The following KLRG1 variants were observed in gnomAD, a reference collection of about 807,000 sequenced individuals.
KLRG1 encodes the protein killer cell lectin like receptor G1.
A neutral mutation model predicts 21.8 loss-of-function variants in KLRG1; 16 were observed. The ratio of observed to expected loss-of-function variants is 0.73; its 90% CI spans 0.50 to 1.11. KLRG1 has a LOEUF of 1.11. Among genes scored for constraint, KLRG1 ranks in the 50% most tolerant of loss-of-function variants. KLRG1 has a pLI of 0.00. For missense variants in KLRG1, 173 were observed against 218.3 expected, an observed-to-expected ratio of 0.79 and a Z score of 1.31; for synonymous variants, 69 against 75.9, an observed-to-expected ratio of 0.91 and a Z score of 0.47.
chr12:9,106,934 C>A, the KLRG1 span, among the ~76,000 whole-genome samples: 7 of 152,088 alleles, frequency 4.6e-5, no homozygotes, highest in Non-Finnish European at 8.8e-5. Context: ...TTGTTACATG[C>A]AGAGAATGTG....
chr12:9,005,919 C>T (rs1421250055), intron 3 of KLRG1, among the ~76,000 whole-genome samples: 2 of 152,242 alleles, frequency 1.3e-5, no homozygotes, highest in African/African-American at 4.8e-5. Flanking sequence ...GGCGGTAATG[C>T]TGGCCCGCCT....
chr12:9,165,021 C>G, the KLRG1 span: 39 of 1,212,152 alleles, frequency 3.2e-5, no homozygotes, highest in Admixed American at 7.0e-4. Context: ...TAATTATTCA[C>G]AGTGCTAACA....
At chr12:8,958,641 G>C (rs1261586853) in intron 1 of KLRG1, among the ~76,000 whole-genome samples, 1 of 151,786 alleles carries the variant, frequency 6.6e-6, no homozygotes, top group Non-Finnish European at 1.5e-5. Flanking sequence ...AGGATCACTT[G>C]GGCTCAGGAT....
chr12:9,016,005 A>G, the KLRG1 span, among the ~76,000 whole-genome samples: 2 of 152,306 alleles, frequency 1.3e-5, no homozygotes, highest in African/African-American at 4.8e-5. Flanking sequence ...GATACAATGA[A>G]AGCAGTACTA....
At chr12:9,019,846 A>C in the KLRG1 span, among the ~76,000 whole-genome samples, 71 of 151,990 alleles carry the variant, frequency 4.7e-4, no homozygotes, top group African/African-American at 1.6e-3. Context: ...TTCGTGTCCC[A>C]AAGTGCTGGG....
the KLRG1 span, among the ~76,000 whole-genome samples, chr12:9,062,684 C>T: frequency 0.016 from 2,393 of 145,792 alleles, 67 homozygotes; most frequent in African/African-American, 0.057. Flanking sequence ...ATATTTATAT[C>T]GGATATATTG....
chr12:9,020,077 A>G, the KLRG1 span, among the ~76,000 whole-genome samples: 1 of 151,378 alleles, frequency 6.6e-6, no homozygotes, highest in Non-Finnish European at 1.5e-5. Context: ...ACACACACAC[A>G]TACATACATA....
At chr12:8,958,725 C>T (rs1412966465) in intron 1 of KLRG1, among the ~76,000 whole-genome samples, 1 of 152,076 alleles carries the variant, frequency 6.6e-6, no homozygotes, top group Non-Finnish European at 1.5e-5. Flanking sequence ...AGCGTGGTGG[C>T]TTGTGCCTAT....
chr12:9,136,619 C>A, the KLRG1 span, among the ~76,000 whole-genome samples: 2 of 152,222 alleles, frequency 1.3e-5, no homozygotes, highest in East Asian at 1.9e-4. Context: ...GTTTCCATAG[C>A]AGTTGCACCA....
chr12:9,039,914 G>T, the KLRG1 span, among the ~76,000 whole-genome samples: 2 of 152,166 alleles, frequency 1.3e-5, no homozygotes, highest in African/African-American at 2.4e-5. Context: ...ATGCATTCAG[G>T]TTATTGCCAG....
the KLRG1 span, among the ~76,000 whole-genome samples, chr12:9,204,478 CAT>C: frequency 2.0e-4 from 30 of 152,280 alleles, no homozygotes; most frequent in South Asian, 4.1e-4. Context: ...CAAAATAACA[CAT>C]GTCTATATTG....
At chr12:9,140,225 A>G in the KLRG1 span, among the ~76,000 whole-genome samples, 2 of 152,230 alleles carry the variant, frequency 1.3e-5, no homozygotes, top group African/African-American at 4.8e-5. Flanking sequence ...GAAAAGATTA[A>G]TTAGGCAGGG....
At chr12:9,098,528 C>T in the KLRG1 span, 1 of 1,471,522 alleles carries the variant, frequency 6.8e-7, no homozygotes, top group Admixed American at 2.2e-5. Context: ...TTGATCTTAT[C>T]CTACTTATCC....
chr12:9,050,867 T>A, the KLRG1 span, among the ~76,000 whole-genome samples: 2 of 152,124 alleles, frequency 1.3e-5, no homozygotes, highest in African/African-American at 4.8e-5. Context: ...AGCTCAGGGG[T>A]GTCTGCTTCC....
chr12:9,159,961 A>T, the KLRG1 span: 1 of 1,613,622 alleles, frequency 6.2e-7, no homozygotes, highest in Admixed American at 1.7e-5. Flanking sequence ...GGTTCCTGCC[A>T]TATCGTTCCC....
chr12:9,008,836 G>A, intron 3 of KLRG1, 139 bp from the exon 4 acceptor site: 1 of 617,552 alleles, frequency 1.6e-6, no homozygotes, highest in Non-Finnish European at 2.9e-6. Flanking sequence ...CTTAAGAGTG[G>A]TGATGATGGA....
chr12:9,002,503 CT>C (rs1947334242), intron 3 of KLRG1, among the ~76,000 whole-genome samples: 1 of 152,106 alleles, frequency 6.6e-6, no homozygotes, highest in Admixed American at 6.6e-5. Context: ...GACATAACAC[CT>C]AAGTGTTCTA....
chr12:9,101,666 G>C, the KLRG1 span: 1 of 1,610,708 alleles, frequency 6.2e-7, no homozygotes, highest in Admixed American at 1.7e-5. Context: ...TACGATCCTT[G>C]TAATTGACCT....
the KLRG1 span, among the ~76,000 whole-genome samples, chr12:9,125,060 TG>T: frequency 2.6e-5 from 4 of 152,186 alleles, no homozygotes; most frequent in African/African-American, 9.7e-5. Context: ...CAGGAGACGA[TG>T]GGACAACCAG....
Sources: allele counts gnomAD v4.1 joint callset (sites outside exome capture counted in the v4.1 genomes callset), GRCh38; gene constraint gnomAD v4.1.1; transcripts MANE v1.5; gene names NCBI Gene and HGNC (gene_info 2026-07-23, HGNC 2026-07-21).